The following PRELID2 variants were observed in gnomAD, a reference collection of about 807,000 sequenced individuals.
PRELID2 encodes PRELI domain containing 2.
In PRELID2, 25 loss-of-function variants were observed where a neutral mutation model predicts 28.4. The ratio of observed to expected loss-of-function variants is 0.88; its 90% confidence interval spans 0.64 to 1.23. The LOEUF (loss-of-function observed/expected upper bound fraction) is 1.23, where lower values mean the gene tolerates loss of function less well. PRELID2 is among the 50% of genes most tolerant of loss of function. The pLI is 0.00. For missense variants in PRELID2, 201 were observed against 214.4 expected, an observed-to-expected ratio of 0.94 and a Z score of 0.39; for synonymous variants, 76 against 71.6, an observed-to-expected ratio of 1.06 and a Z score of -0.31.
chr5:145,594,490 G>A (rs894742908), intron 1 of PRELID2, among the ~76,000 whole-genome samples: 7 of 151,698 alleles, frequency 4.6e-5, no homozygotes, highest in African/African-American at 9.7e-5. Flanking sequence ...GAAGAATTAC[G>A]CTCACTTCAA....
In PRELID2 at chr5:145,738,212, T is replaced by C. The variant is rs1756552355; in HGVS notation, n.70+26719A>G. Among the ~76,000 whole-genome samples the C allele has an allele frequency of 2.0e-5, 3 of 152,176 alleles. No individual in the cohort carries two copies. The South Asian group carries it at 6.2e-4, about 31-fold the overall frequency. ...GCCCACCCTTCCCCAGCTGGAGTAA[T>C]GTCACAATAACCGAGCTAAAACAGA... On this transcript the variant is annotated intron_variant and non_coding_transcript_variant, in intron 1 of 2. Transcript: ENST00000510259.
chr5:145,546,031 A>G (rs1403713629), intron 1 of PRELID2, among the ~76,000 whole-genome samples: 2 of 152,190 alleles, frequency 1.3e-5, no homozygotes, highest in Non-Finnish European at 2.9e-5. Context: ...GTGTTTCTCA[A>G]AATATGGTCC....
chr5:145,298,240 CA>C, the PRELID2 span, among the ~76,000 whole-genome samples: 1 of 152,150 alleles, frequency 6.6e-6, no homozygotes, highest in African/African-American at 2.4e-5. Context: ...CTACAGTAAT[CA>C]AAACAGCATG....
intron 1 of PRELID2, chr5:145,825,909 G>GTTTTA (rs953421316): frequency 1.4e-5 from 6 of 437,424 alleles, no homozygotes; most frequent in African/African-American, 1.3e-4. Context: ...GAATATTCAT[G>GTTTTA]TTTTAATTCA....
At chr5:145,514,317 G>GAAAAAAAAAAAAA (rs1580964259) in intron 1 of PRELID2, among the ~76,000 whole-genome samples, 2 of 76,324 alleles carry the variant, frequency 2.6e-5, no homozygotes, top group Non-Finnish European at 6.0e-5. Flanking sequence ...CAAATGGAAA[G>GAAAAAAAAAAAAA]CAAAAAAAAA....
chr5:145,279,834 A>T, the PRELID2 span, among the ~76,000 whole-genome samples: 13 of 151,424 alleles, frequency 8.6e-5, no homozygotes, highest in African/African-American at 3.2e-4. Context: ...TTTTGAGAAA[A>T]AAAAAAAACT....
At chr5:145,410,635 C>T in the PRELID2 span, among the ~76,000 whole-genome samples, 1 of 152,028 alleles carries the variant, frequency 6.6e-6, no homozygotes, top group Non-Finnish European at 1.5e-5. Context: ...AGAACTCACT[C>T]ACTATCATAA....
At chr5:145,552,811 A>T (rs1033462128) in intron 1 of PRELID2, among the ~76,000 whole-genome samples, 49 of 152,184 alleles carry the variant, frequency 3.2e-4, no homozygotes, top group African/African-American at 1.2e-3. Context: ...CTTCCCAAAG[A>T]AGTAACTACT....
intron 1 of PRELID2, among the ~76,000 whole-genome samples, chr5:145,498,317 C>G (rs2126631696): frequency 6.6e-6 from 1 of 152,200 alleles, no homozygotes; most frequent in Non-Finnish European, 1.5e-5. Context: ...AACATAAATG[C>G]TTAAAAATAT....
intron 1 of PRELID2, among the ~76,000 whole-genome samples, chr5:145,476,586 A>G (rs1752103781): frequency 1.3e-5 from 2 of 152,168 alleles, no homozygotes; most frequent in South Asian, 4.1e-4. Flanking sequence ...TGGAGGTTAC[A>G]GTGAGCCGAG....
At chr5:145,547,263 G>A (rs1407444924) in intron 1 of PRELID2, among the ~76,000 whole-genome samples, 1 of 152,156 alleles carries the variant, frequency 6.6e-6, no homozygotes, top group African/African-American at 2.4e-5. Flanking sequence ...CCCAGGGACA[G>A]TGGCACAGCT....
At chr5:145,821,636 C>T (rs1754837614) in intron 2 of PRELID2, among the ~76,000 whole-genome samples, 9 of 152,202 alleles carry the variant, frequency 5.9e-5, no homozygotes, top group Admixed American at 5.9e-4. Context: ...GATGCAAAAA[C>T]CCTGACTGCC....
At chr5:145,409,908 C>G in the PRELID2 span, among the ~76,000 whole-genome samples, 2 of 152,280 alleles carry the variant, frequency 1.3e-5, no homozygotes, top group South Asian at 4.1e-4. Flanking sequence ...TGATTTCAAA[C>G]CATACTACAA....
intron 1 of PRELID2, among the ~76,000 whole-genome samples, chr5:145,681,550 T>C (rs1754936367): frequency 6.6e-6 from 1 of 152,208 alleles, no homozygotes; most frequent in Non-Finnish European, 1.5e-5. Context: ...TTTTCCTTAC[T>C]TATAAAATAG....
chr5:145,703,608 G>A (rs1393517238), intron 1 of PRELID2, among the ~76,000 whole-genome samples: 1 of 152,190 alleles, frequency 6.6e-6, no homozygotes, highest in Non-Finnish European at 1.5e-5. Context: ...AATAACTGCA[G>A]CTAGGGAAAG....
At chr5:145,344,593 T>C in the PRELID2 span, among the ~76,000 whole-genome samples, 1 of 152,028 alleles carries the variant, frequency 6.6e-6, no homozygotes, top group African/African-American at 2.4e-5. Context: ...AATTGTTGGA[T>C]CAAAAAACAG....
intron 1 of PRELID2, among the ~76,000 whole-genome samples, chr5:145,742,407 T>C (rs1260179709): frequency 4.1e-5 from 6 of 146,992 alleles, no homozygotes; most frequent in Non-Finnish European, 7.5e-5. Context: ...CAGAGTTTTT[T>C]CTAACTCAGT....
At chr5:145,450,409 C>CT in the PRELID2 span, among the ~76,000 whole-genome samples, 8 of 152,110 alleles carry the variant, frequency 5.3e-5, no homozygotes, top group African/African-American at 1.9e-4. Context: ...GGAAAAGCTG[C>CT]TAAGCCGGCA....
chr5:145,460,886 A>AGAT, the PRELID2 span, among the ~76,000 whole-genome samples: 1 of 152,390 alleles, frequency 6.6e-6, no homozygotes, highest in African/African-American at 2.4e-5. Flanking sequence ...ACTATTTCAA[A>AGAT]GATGTTTTAT....
Sources: allele counts gnomAD v4.1 joint callset (sites outside exome capture counted in the v4.1 genomes callset), GRCh38; gene constraint gnomAD v4.1.1; transcripts MANE v1.5; gene names NCBI Gene and HGNC (gene_info 2026-07-23, HGNC 2026-07-21).